PCNP: variants seen among roughly 807,000 people sequenced by gnomAD.
The protein encoded by PCNP is PEST proteolytic signal containing nuclear protein.
PCNP carries 6 observed loss-of-function variants against 21.8 expected under a neutral mutation model. The ratio of observed to expected loss-of-function variants is 0.28; its 90% CI spans 0.15 to 0.54. The LOEUF is 0.54. Ranked by LOEUF, PCNP falls within the 20% of genes least tolerant of loss-of-function variation. The pLI, the probability that PCNP is intolerant of heterozygous loss-of-function variation, is 0.95. For synonymous variants in PCNP, 67 were observed against 73.2 expected (o/e 0.92, Z 0.43); for missense variants, 161 against 215.5 (o/e 0.75, Z 1.58).
rs988880962 is a variant in PCNP at position 101,593,717 on chromosome 3, T to G, written c.*964T>G. On this transcript the variant is annotated 3_prime_UTR_variant, in exon 5 of 5. Transcript: ENST00000265260. ...TCTAAGGATTTAAATTACTAACTTA[T>G]GAACTCCAATTTGAATTGAACTTAA... The G allele has an allele frequency of 6.6e-6, 1 of 152,642 alleles. No individual in the cohort carries two copies. Among genetic ancestry groups the G allele is most frequent in the South Asian group, 2.1e-4 (1 of 4,836 alleles). The allele number at this position is 152,642 out of a possible 1,614,324, so 9.5% of individuals were successfully genotyped here.
At chr3:101,578,607 A>G (rs1050489347) in intron 1 of PCNP, among the ~76,000 whole-genome samples, 1 of 152,212 alleles carries the variant, frequency 6.6e-6, no homozygotes, top group African/African-American at 2.4e-5. Context: ...TTTATTTTTC[A>G]TCTAAACAGA....
chr3:101,575,304 C>A (rs1934811404), intron 1 of PCNP, among the ~76,000 whole-genome samples: 1 of 152,136 alleles, frequency 6.6e-6, no homozygotes, highest in South Asian at 2.1e-4. Context: ...ATGAAGGCCA[C>A]TAGTAGACCT....
At position 101,579,883 on chromosome 3, in the gene PCNP, C is replaced by T; in HGVS notation, c.158C>T (p.Ser53Leu). The change falls in exon 2 of 5, where the codon TCA becomes TTA. Residue 53 changes from serine (S) to leucine (L), a missense_variant. Coordinates refer to ENST00000265260, the MANE Select transcript of PCNP (RefSeq NM_020357.3). ...ESSSRSAEKRSAEEEAADLPT... is the reference protein window; with the variant it reads ...ESSSRSAEKRLAEEEAADLPT... ...TCCAGTCGCAGCGCTGAGAAGCGAT[C>T]AGCTGAAGAAGAAGCTGCCGACCTC... 6.2e-7 allele frequency: 1 copy of T among 1,613,870 alleles called. No individual in the cohort carries two copies. Among genetic ancestry groups the T allele is most frequent in the Non-Finnish European group, 8.5e-7 (1 of 1,179,752 alleles).
chr3:101,574,134 G>T, upstream of PCNP: 1 of 1,509,630 alleles, frequency 6.6e-7, no homozygotes, highest in Non-Finnish European at 8.9e-7. Context: ...CCACCACGCC[G>T]GCTGGCCCCA....
chr3:101,576,354 C>T (rs1934885184), intron 1 of PCNP: 2 of 620,010 alleles, frequency 3.2e-6, no homozygotes, highest in East Asian at 6.0e-5. Context: ...CCTGCCTCAG[C>T]CTCCCAAGTA....
rs1476782161 is a variant in PCNP, at chr3:101,594,299, CTGTT to C, written c.*1551_*1554del. ...AACTATCAATTTTTTGTCCATTTTC[CTGTT>C]TGTTAAAATAACATACCTCTCCTAC... On this transcript the variant is annotated 3_prime_UTR_variant, in exon 5 of 5. Coordinates refer to ENST00000265260, the MANE Select transcript of PCNP (RefSeq NM_020357.3). 1 of 152,556 alleles carries C rather than the reference CTGTT, an allele frequency of 6.6e-6. No homozygotes were observed. 9.5% of individuals were successfully genotyped at this position (152,556 alleles called of 1,614,324 possible).
At chr3:101,585,396 G>A (rs1279787010) in intron 2 of PCNP, 41 bp from the exon 3 acceptor site, 3 of 1,107,930 alleles carry the variant, frequency 2.7e-6, no homozygotes, top group Admixed American at 4.1e-5. Flanking sequence ...TTGTATAAAT[G>A]TTATCTACAT....
At chr3:101,579,083 T>G (rs1203250082) in intron 1 of PCNP, among the ~76,000 whole-genome samples, 2 of 152,128 alleles carry the variant, frequency 1.3e-5, no homozygotes, top group Non-Finnish European at 2.9e-5. Context: ...GAAATTATGA[T>G]TAGCTCATCT....
intron 3 of PCNP, among the ~76,000 whole-genome samples, chr3:101,589,016 G>A (rs1011153957): frequency 1.3e-5 from 2 of 152,134 alleles, no homozygotes; most frequent in African/African-American, 4.8e-5. Flanking sequence ...GATTGAGGAC[G>A]TTTTCTCACT....
chr3:101,574,545 G>A (rs1308829473), intron 1 of PCNP, among the ~76,000 whole-genome samples: 2 of 152,218 alleles, frequency 1.3e-5, no homozygotes, highest in East Asian at 1.9e-4. Flanking sequence ...AGGGAGATGG[G>A]CGCCAGAAAG....
intron 2 of PCNP, 112 bp downstream of exon 2, chr3:101,580,116 G>A: frequency 2.7e-6 from 2 of 741,498 alleles, no homozygotes; most frequent in South Asian, 3.4e-5. Context: ...CATTGTTTGA[G>A]AAGTAATCTT....
chr3:101,578,363 T>C (rs1935043102), intron 1 of PCNP, among the ~76,000 whole-genome samples: 1 of 152,258 alleles, frequency 6.6e-6, no homozygotes, highest in Non-Finnish European at 1.5e-5. Context: ...AGAGATATTC[T>C]GTGCTTCATA....
rs977837944 is a variant in PCNP at position 101,578,075 on chromosome 3, T to TA, written c.65-1708dup. On this transcript the variant is annotated intron_variant, in intron 1 of 4. Coordinates refer to ENST00000265260, the MANE Select transcript of PCNP (RefSeq NM_020357.3). ...AATTGATAAGTTATTTTCTCATTTTTAAAAAAACTGATCATGTATTTAGTC... is the reference window on the plus strand; with the variant it reads ...AATTGATAAGTTATTTTCTCATTTTTAAAAAAAACTGATCATGTATTTAGTC... Among the ~76,000 whole-genome samples, 10 of 152,216 alleles carry TA rather than the reference T, an allele frequency of 6.6e-5. No homozygotes were observed. In the East Asian group the frequency reaches 7.7e-4, roughly 12 times the overall value.
chr3:101,576,610 C>A, intron 1 of PCNP: 1 of 1,611,292 alleles, frequency 6.2e-7, no homozygotes, highest in Admixed American at 1.7e-5. Flanking sequence ...CTTCTTCAGT[C>A]GCTCCAGGTC....
At chr3:101,591,765 T>G (rs1576625190) in intron 4 of PCNP, among the ~76,000 whole-genome samples, 1 of 94,064 alleles carries the variant, frequency 1.1e-5, no homozygotes, top group Non-Finnish European at 2.1e-5. Flanking sequence ...TTGATTTTGG[T>G]GTTTTTTTTT....
intron 2 of PCNP, among the ~76,000 whole-genome samples, chr3:101,581,389 CTA>C (rs1935210837): frequency 6.6e-6 from 1 of 151,684 alleles, no homozygotes; most frequent in Non-Finnish European, 1.5e-5. Flanking sequence ...GTTCCTAAAT[CTA>C]AATCCCTACT....
chr3:101,583,072 A>C (rs756431811), intron 2 of PCNP, among the ~76,000 whole-genome samples: 6 of 152,192 alleles, frequency 3.9e-5, no homozygotes, highest in Non-Finnish European at 5.9e-5. Flanking sequence ...TCATGCCTAT[A>C]ATTCCAGCAC....
chr3:101,577,478 G>A (rs1040132037), intron 1 of PCNP, among the ~76,000 whole-genome samples: 2 of 152,128 alleles, frequency 1.3e-5, no homozygotes, highest in African/African-American at 2.4e-5. Flanking sequence ...GAATGCAAAT[G>A]GGTTATGAAG....
rs1935914238 is a variant in PCNP, at chr3:101,593,427, AT to A, written c.*677del. ...CTTCATTAGTCTTCAAAGAAAAACC[AT>A]TTGCTACCAAAGTAAATCAGTATTT... is the stretch of plus-strand genomic sequence containing the variant. On this transcript the variant is annotated 3_prime_UTR_variant, in exon 5 of 5. Coordinates refer to ENST00000265260, the MANE Select transcript of PCNP (RefSeq NM_020357.3). 6.6e-6 allele frequency: 1 copy of A among 152,558 alleles called. No individual in the cohort carries two copies. Among genetic ancestry groups the A allele is most frequent in the Admixed American group, 6.6e-5 (1 of 15,262 alleles). 9.5% of individuals were successfully genotyped at this position (152,558 alleles called of 1,614,324 possible). A position where few individuals can be genotyped will look rare whatever the true frequency, so the allele number is the denominator to read the frequency against.
Sources: allele counts gnomAD v4.1 joint callset (sites outside exome capture counted in the v4.1 genomes callset), GRCh38; gene constraint gnomAD v4.1.1; transcripts MANE v1.5; gene names NCBI Gene and HGNC (gene_info 2026-07-23, HGNC 2026-07-21).